The following NTF3 variants were observed in gnomAD, a reference collection of about 807,000 sequenced individuals.
NTF3 encodes the protein neurotrophin-3.
NTF3 carries 8 observed loss-of-function variants against 26.3 expected under a neutral mutation model. The ratio of observed to expected loss-of-function variants is 0.30; its 90% CI spans 0.18 to 0.55. The LOEUF (loss-of-function observed/expected upper bound fraction) is 0.55, where lower values mean the gene tolerates loss of function less well. Ranked by LOEUF, NTF3 falls within the 20% of genes least tolerant of loss-of-function variation. The pLI is 0.93. For missense variants in NTF3, 276 were observed against 352.9 expected, an observed-to-expected ratio of 0.78 and a Z score of 1.75; for synonymous variants, 154 against 145.5, an observed-to-expected ratio of 1.06 and a Z score of -0.42.
Position 5,445,288 on chromosome 12 carries a change from A to ATGTGTGTGTG in NTF3, c.18+12948_18+12957dup, listed in dbSNP as rs200578458. 1.5e-3 allele frequency among the ~76,000 whole-genome samples: 156 copies of ATGTGTGTGTG among 101,568 alleles called. 4 individuals are homozygous for ATGTGTGTGTG. The highest frequency in any genetic ancestry group is 5.7e-3 in the South Asian group (15 of 2,628). The allele number at this position is 101,568 out of a possible 152,430, so 66.6% of individuals were successfully genotyped here. On this transcript the variant is annotated intron_variant, in intron 1 of 1. Coordinates refer to ENST00000423158, the MANE Select transcript of NTF3 (RefSeq NM_001102654.2). ...CATAGATGATTCCTTGGATTAAATG[A>ATGTGTGTGTG]TGTGTGTGTGTATGTGTGTGTGTGT...
intron 1 of NTF3, among the ~76,000 whole-genome samples, chr12:5,435,792 G>A (rs1940160186): frequency 6.6e-6 from 1 of 152,148 alleles, no homozygotes; most frequent in Non-Finnish European, 1.5e-5. Flanking sequence ...GGCTACGAGT[G>A]TAAAGCTAAC....
chr12:5,454,663 T>A (rs1314795407), intron 1 of NTF3, among the ~76,000 whole-genome samples: 1 of 152,194 alleles, frequency 6.6e-6, no homozygotes, highest in Non-Finnish European at 1.5e-5. Flanking sequence ...GAGGAAAGCA[T>A]CTCATTTTCC....
At chr12:5,481,509 CA>C (rs879312234) in intron 1 of NTF3, among the ~76,000 whole-genome samples, 10,865 of 147,592 alleles carry the variant, frequency 0.074, 424 homozygotes, top group Admixed American at 0.092. Flanking sequence ...CAGAATACCA[CA>C]CACACATGCA....
At chr12:5,455,493 C>T (rs1405732027) in intron 1 of NTF3, among the ~76,000 whole-genome samples, 1 of 150,754 alleles carries the variant, frequency 6.6e-6, no homozygotes, top group Admixed American at 6.6e-5. Context: ...CTAACAGAGC[C>T]CACAGCCCCC....
intron 1 of NTF3, among the ~76,000 whole-genome samples, chr12:5,471,283 G>A (rs936566828): frequency 2.0e-5 from 3 of 152,262 alleles, no homozygotes; most frequent in Non-Finnish European, 4.4e-5. Context: ...CAACTAGTGG[G>A]TGACCTTAGA....
intron 1 of NTF3, among the ~76,000 whole-genome samples, chr12:5,468,025 T>C (rs1048462946): frequency 2.0e-5 from 3 of 151,926 alleles, no homozygotes; most frequent in African/African-American, 7.2e-5. Context: ...TGAGATTTCC[T>C]CTCTGAGGGA....
chr12:5,493,914 C>T (rs551325480), intron 1 of NTF3, among the ~76,000 whole-genome samples: 1 of 152,232 alleles, frequency 6.6e-6, no homozygotes, highest in Admixed American at 6.5e-5. Context: ...ACATCGTCCA[C>T]CCACAAGCAG....
intron 1 of NTF3, among the ~76,000 whole-genome samples, chr12:5,446,468 A>G (rs189134845): frequency 2.0e-5 from 3 of 152,298 alleles, no homozygotes; most frequent in African/African-American, 4.8e-5. Context: ...GGATTCAGCA[A>G]TCTTGGGCTG....
intron 1 of NTF3, among the ~76,000 whole-genome samples, chr12:5,445,484 G>A (rs931770069): frequency 5.3e-5 from 8 of 152,090 alleles, no homozygotes; most frequent in South Asian, 2.1e-4. Flanking sequence ...ATGGACAGCC[G>A]GCATGCCATC....
intron 1 of NTF3, among the ~76,000 whole-genome samples, chr12:5,473,012 G>A (rs1328774570): frequency 6.6e-6 from 1 of 152,106 alleles, no homozygotes; most frequent in Non-Finnish European, 1.5e-5. Context: ...TTCTTGAAAG[G>A]CTCCAGCAGC....
rs139082456 is a variant in NTF3 at position 5,448,053 on chromosome 12, G to A, written c.18+15711G>A. Among the ~76,000 whole-genome samples, 712 of 152,240 alleles carry A rather than the reference G, an allele frequency of 4.7e-3. 6 individuals carry two copies. The highest frequency in any genetic ancestry group is 5.4e-3 in the Non-Finnish European group (367 of 68,016). On this transcript the variant is annotated intron_variant, in intron 1 of 1. Coordinates refer to ENST00000423158, the MANE Select transcript of NTF3 (RefSeq NM_001102654.2). ...TTCTGCCAACCCAGTCCCCTACTTC[G>A]TCCCCAGCTGCTCTTGATGAACTCT...
chr12:5,431,823 G>A (rs1047167705), upstream of NTF3, among the ~76,000 whole-genome samples: 1 of 152,108 alleles, frequency 6.6e-6, no homozygotes, highest in Non-Finnish European at 1.5e-5. Flanking sequence ...TCTCTAAAAG[G>A]GAACTCAAGG....
At chr12:5,467,036 C>A (rs1007477697) in intron 1 of NTF3, among the ~76,000 whole-genome samples, 2 of 151,980 alleles carry the variant, frequency 1.3e-5, no homozygotes, top group Non-Finnish European at 2.9e-5. Flanking sequence ...TCAAGACCAG[C>A]CTGGCCAAGA....
intron 1 of NTF3, among the ~76,000 whole-genome samples, chr12:5,477,198 G>A (rs947367631): frequency 1.8e-4 from 28 of 152,168 alleles, no homozygotes; most frequent in Non-Finnish European, 3.7e-4. Flanking sequence ...TGAGAACGTG[G>A]GTTTTGATAT....
At chr12:5,492,876 T>G (rs1309950624) in intron 1 of NTF3, among the ~76,000 whole-genome samples, 1 of 152,228 alleles carries the variant, frequency 6.6e-6, no homozygotes, top group Non-Finnish European at 1.5e-5. Flanking sequence ...CTGTTTCTTG[T>G]GTCGGCTTTG....
intron 1 of NTF3, among the ~76,000 whole-genome samples, chr12:5,469,973 A>G (rs761836418): frequency 3.3e-5 from 5 of 152,210 alleles, no homozygotes; most frequent in Admixed American, 6.5e-5. Context: ...CACCCAGGCT[A>G]GAGTGCAATG....
intron 1 of NTF3, among the ~76,000 whole-genome samples, chr12:5,457,878 G>A (rs1049516020): frequency 4.6e-5 from 7 of 152,122 alleles, no homozygotes; most frequent in Non-Finnish European, 5.9e-5. Flanking sequence ...CCGCAGGATC[G>A]GGCAGCCTCC....
At chr12:5,445,568 C>T (rs773823468) in intron 1 of NTF3, among the ~76,000 whole-genome samples, 15 of 152,154 alleles carry the variant, frequency 9.9e-5, no homozygotes, top group South Asian at 6.2e-4. Flanking sequence ...TGTCTTTGCT[C>T]TCCCATGTCC....
intron 1 of NTF3, among the ~76,000 whole-genome samples, chr12:5,447,898 T>C (rs1037829198): frequency 8.5e-5 from 13 of 152,316 alleles, no homozygotes; most frequent in African/African-American, 3.1e-4. Context: ...TGTATCAGTC[T>C]ACTTATTTCT....
Sources: allele counts gnomAD v4.1 joint callset (sites outside exome capture counted in the v4.1 genomes callset), GRCh38; gene constraint gnomAD v4.1.1; transcripts MANE v1.5; gene names NCBI Gene and HGNC (gene_info 2026-07-23, HGNC 2026-07-21).